The following OTOGL variants were observed in gnomAD, a reference collection of about 807,000 sequenced individuals.
The protein encoded by OTOGL is otogelin like.
OTOGL carries 285 observed loss-of-function variants against 318.5 expected under a neutral mutation model. That is an observed-to-expected ratio of 0.89 (90% confidence interval 0.81 to 0.99). The LOEUF (loss-of-function observed/expected upper bound fraction) is 0.99. Ranked by LOEUF, OTOGL falls within the 50% of genes least tolerant of loss-of-function variation. The pLI is 0.00. For synonymous variants in OTOGL, 987 were observed against 936.5 expected (o/e 1.05, Z -0.99); for missense variants, 2,899 against 2,845.6 (o/e 1.02, Z -0.43).
Position 80,358,959 on chromosome 12 carries a change from T to G in OTOGL, c.6267+59T>G, listed in dbSNP as rs116998336. On this transcript the variant is annotated intron_variant, in intron 52 of 58. Transcript: ENST00000547103. ...TTATTTAAATCTGTTTATTCTTCCT[T>G]TATCTCTCTCATTTCTAAATTCTTC... 3,833 of 1,294,670 alleles carry G rather than the reference T, an allele frequency of 3.0e-3. 8 individuals carry two copies. Among genetic ancestry groups the G allele is most frequent in the Non-Finnish European group, 3.8e-3 (3,661 of 952,594 alleles). The allele number at this position is 1,294,670 out of a possible 1,614,324, so 80.2% of individuals were successfully genotyped here. A position where few individuals can be genotyped will look rare whatever the true frequency, so the allele number is the denominator to read the frequency against.
At chr12:80,353,537 C>G in intron 46 of OTOGL, 27 bp downstream of exon 46, 1 of 1,417,512 alleles carries the variant, frequency 7.1e-7, no homozygotes. Context: ...AAAATGACTT[C>G]TCAGGAATCC....
At chr12:80,129,250 G>A (rs1452506962) in intron 1 of OTOGL, among the ~76,000 whole-genome samples, 1 of 152,194 alleles carries the variant, frequency 6.6e-6, no homozygotes, top group Non-Finnish European at 1.5e-5. Flanking sequence ...GAGAGTGTAA[G>A]ATTTGAATTA....
intron 11 of OTOGL, among the ~76,000 whole-genome samples, chr12:80,250,054 G>T (rs889145831): frequency 5.3e-5 from 8 of 151,632 alleles, no homozygotes; most frequent in South Asian, 2.1e-4. Flanking sequence ...ACTGACCTGC[G>T]CCCACTGTCT....
At chr12:80,124,227 A>G (rs920996039) in intron 1 of OTOGL, among the ~76,000 whole-genome samples, 1 of 152,174 alleles carries the variant, frequency 6.6e-6, no homozygotes, top group Non-Finnish European at 1.5e-5. Context: ...AGGTGTAAGG[A>G]AGGGATCCAG....
At chr12:80,279,004 G>GT in intron 25 of OTOGL, 24 bp from the exon 26 acceptor site, 1 of 1,566,600 alleles carries the variant, frequency 6.4e-7, no homozygotes, top group Non-Finnish European at 8.7e-7. Flanking sequence ...CTTTAGAAAG[G>GT]TAACTTTTGT....
intron 9 of OTOGL, among the ~76,000 whole-genome samples, chr12:80,236,624 A>T (rs1390010958): frequency 6.6e-6 from 1 of 152,178 alleles, no homozygotes; most frequent in Non-Finnish European, 1.5e-5. Context: ...TTGAAAGGAA[A>T]TGTAACTATA....
chr12:80,122,262 A>G (rs1181484576), intron 1 of OTOGL, among the ~76,000 whole-genome samples: 2 of 144,952 alleles, frequency 1.4e-5, no homozygotes, highest in Non-Finnish European at 1.5e-5. Flanking sequence ...GCAAAAAAAG[A>G]AATAAATACA....
intron 30 of OTOGL, among the ~76,000 whole-genome samples, chr12:80,312,862 A>G (rs562947183): frequency 1.3e-5 from 2 of 152,120 alleles, no homozygotes; most frequent in East Asian, 3.9e-4. Context: ...CTCAGGCTGG[A>G]GTGCAGTGGT....
chr12:80,362,336 T>A (rs868848081), intron 52 of OTOGL, among the ~76,000 whole-genome samples: 2 of 152,238 alleles, frequency 1.3e-5, no homozygotes, highest in African/African-American at 4.8e-5. Context: ...TTTATTGGTC[T>A]ATGTGTCTGT....
At chr12:80,155,010 A>G (rs898211424) in intron 1 of OTOGL, among the ~76,000 whole-genome samples, 1 of 152,160 alleles carries the variant, frequency 6.6e-6, no homozygotes, top group South Asian at 2.1e-4. Flanking sequence ...TATTGTTTTA[A>G]TTGGCATTTT....
Position 80,217,611 on chromosome 12 carries a change from C to A in OTOGL, c.182C>A (p.Ser61Tyr). The A allele has an allele frequency of 6.5e-7, 1 of 1,546,116 alleles. No individual in the cohort carries two copies. Among genetic ancestry groups the A allele is most frequent in the Non-Finnish European group, 8.8e-7 (1 of 1,142,168 alleles). The change falls in exon 5 of 59, where the codon TCT becomes TAT. Residue 61 changes from serine (S) to tyrosine (Y), a missense_variant. Physicochemically the swap from Ser to Tyr is moderately radical, Grantham distance 144. This residue lies in a region of OTOGL where 2,607 missense variants were observed against 2,524.9 expected (regional missense o/e 1.03). Coordinates refer to ENST00000547103, the MANE Select transcript of OTOGL (RefSeq NM_001378609.3). ...ALLAAQFEAT[S>Y]PRYFFHDAIN... Reference sequence around the variant, plus strand: ...TTTCTTTCAAAGTTTGAAGCTACTTCTCCGAGATACTTTTTCCATGATGCT... The same window carrying A: ...TTTCTTTCAAAGTTTGAAGCTACTTATCCGAGATACTTTTTCCATGATGCT...
intron 26 of OTOGL, among the ~76,000 whole-genome samples, chr12:80,282,780 T>C (rs1424123849): frequency 6.6e-6 from 1 of 151,910 alleles, no homozygotes; most frequent in Non-Finnish European, 1.5e-5. Flanking sequence ...ATCCTCACTT[T>C]CCTTGATATT....
rs1477766714 is a variant in OTOGL, at chr12:80,339,241, C to T, written c.5027C>T (p.Ser1676Leu). 1 of 1,594,410 alleles carries T rather than the reference C, an allele frequency of 6.3e-7. No individual in the cohort carries two copies. Among genetic ancestry groups the T allele is most frequent in the African/African-American group, 1.4e-5 (1 of 73,550 alleles). ...DIHFGFRFNLSSYTEGLCGIC... is the reference protein window; with the variant it reads ...DIHFGFRFNLLSYTEGLCGIC... The stretch of plus-strand genomic sequence containing the variant: ...CATTTTGGCTTCCGATTTAACTTGT[C>T]ATCCTACACAGAAGGACTCTGTGGT... Residue 1676 changes from serine to leucine, a missense_variant, in exon 43 of 59, where the codon TCA (serine) becomes TTA (leucine). Ser to Leu is a moderately radical substitution (Grantham distance 145). This residue lies in a region of OTOGL where 2,607 missense variants were observed against 2,524.9 expected (regional missense o/e 1.03). Coordinates refer to ENST00000547103, the MANE Select transcript of OTOGL (RefSeq NM_001378609.3).
intron 1 of OTOGL, among the ~76,000 whole-genome samples, chr12:80,108,947 T>TAA (rs1869664394): frequency 6.9e-6 from 1 of 144,778 alleles, no homozygotes; most frequent in Non-Finnish European, 1.5e-5. Flanking sequence ...TATATATATA[T>TAA]ATATATACAC....
At chr12:80,376,805 C>T (rs950299288) in intron 57 of OTOGL, among the ~76,000 whole-genome samples, 1 of 151,930 alleles carries the variant, frequency 6.6e-6, no homozygotes, top group Non-Finnish European at 1.5e-5. Context: ...CACATATATG[C>T]CACACACAGG....
At position 80,255,067 on chromosome 12, in the gene OTOGL, A is replaced by G; in HGVS notation, c.1469A>G (p.His490Arg). The G allele has an allele frequency of 6.6e-7, 1 of 1,505,680 alleles. No homozygotes were observed. Among genetic ancestry groups the G allele is most frequent in the Non-Finnish European group, 8.8e-7 (1 of 1,131,214 alleles). 93.3% of individuals were successfully genotyped at this position (1,505,680 alleles called of 1,614,324 possible). ...PVQCSVVGDS[H>R]FTTFDGRHYS... ...CAATGCTCAGTTGTAGGTGATTCTC[A>G]CTTTACAACTTTTGATGGTCGACAT... The change falls in exon 16 of 59, where the codon CAC becomes CGC. Residue 490 changes from histidine to arginine, a missense_variant. Physicochemically the swap from His to Arg is conservative, Grantham distance 29. Transcript: ENST00000547103.
In OTOGL at chr12:80,229,904, C is replaced by CAG. The variant is rs539927188; in HGVS notation, c.611+532_611+533dup. ...AACAACTGCCTGGCCTCGAATAGAT[C>CAG]AGAGAGAAGTCAACTTCTAGTTTCC... On this transcript the variant is annotated intron_variant, in intron 8 of 58. Transcript: ENST00000547103. Among the ~76,000 whole-genome samples, 661 of 152,010 alleles carry CAG rather than the reference C, an allele frequency of 4.3e-3. 6 individuals carry two copies. The highest frequency in any genetic ancestry group is 0.015 in the African/African-American group (636 of 41,464).
intron 42 of OTOGL, 30 bp downstream of exon 42, chr12:80,337,034 A>T: frequency 6.9e-7 from 1 of 1,450,814 alleles, no homozygotes; most frequent in Non-Finnish European, 9.4e-7. Flanking sequence ...ATTTTTTCTC[A>T]CATTAGATGA....
intron 58 of OTOGL, 47 bp from the exon 59 acceptor site, chr12:80,377,795 AACCAGT>A: frequency 7.4e-7 from 1 of 1,345,386 alleles, no homozygotes; most frequent in Non-Finnish European, 1.0e-6. Flanking sequence ...ATCAAATAAT[AACCAGT>A]ACTTTTAAAA....
Sources: gnomAD v4.1 joint callset for allele counts (sites outside exome capture counted in the v4.1 genomes callset) on GRCh38, gnomAD v4.1.1 for gene constraint, gnomAD v4.1.1 regional missense constraint, MANE v1.5 for transcripts, NCBI Gene and HGNC (gene_info 2026-07-23, HGNC 2026-07-21) for gene names.